Variants in REDIC1 observed in about 807,000 individuals in gnomAD.
REDIC1 encodes HEI10 Interacting Protein 1.
the REDIC1 span, among the ~76,000 whole-genome samples, chr12:39,713,942 C>T: frequency 6.8e-6 from 1 of 147,052 alleles, no homozygotes; most frequent in Non-Finnish European, 1.5e-5. Context: ...TGTGCATATA[C>T]CTATATATAC....
At chr12:39,884,541 G>A in the REDIC1 span, among the ~76,000 whole-genome samples, 1 of 152,220 alleles carries the variant, frequency 6.6e-6, no homozygotes, top group Non-Finnish European at 1.5e-5. Context: ...TCAATAAGAT[G>A]CAATTAAGAT....
the REDIC1 span, chr12:39,760,073 C>T: frequency 1.2e-6 from 2 of 1,612,710 alleles, no homozygotes; most frequent in South Asian, 2.2e-5. Context: ...TAGTTACTTC[C>T]CTTTACCCGA....
the REDIC1 span, among the ~76,000 whole-genome samples, chr12:39,785,939 A>C: frequency 6.6e-6 from 1 of 152,208 alleles, no homozygotes; most frequent in Non-Finnish European, 1.5e-5. Flanking sequence ...CATTGTATTT[A>C]GGAAGTAACT....
chr12:39,831,089 C>T, the REDIC1 span, among the ~76,000 whole-genome samples: 1 of 152,172 alleles, frequency 6.6e-6, no homozygotes, highest in Non-Finnish European at 1.5e-5. Flanking sequence ...GAGCACTTTA[C>T]AGATGGCAAG....
chr12:39,798,014 T>C, the REDIC1 span, among the ~76,000 whole-genome samples: 1,134 of 152,284 alleles, frequency 7.4e-3, 13 homozygotes, highest in African/African-American at 0.026. Flanking sequence ...AATGATGAAG[T>C]GTGACTTCAG....
At chr12:39,744,199 T>C in the REDIC1 span, among the ~76,000 whole-genome samples, 268 of 152,194 alleles carry the variant, frequency 1.8e-3, no homozygotes, top group African/African-American at 6.0e-3. Context: ...TTAAATAAAA[T>C]CCAACAATCT....
At chr12:39,696,577 A>T in the REDIC1 span, among the ~76,000 whole-genome samples, 1 of 135,602 alleles carries the variant, frequency 7.4e-6, no homozygotes, top group African/African-American at 3.2e-5. Flanking sequence ...AAAAAAAAAA[A>T]AAATAACGCA....
chr12:39,742,531 G>C, the REDIC1 span, among the ~76,000 whole-genome samples: 6 of 152,122 alleles, frequency 3.9e-5, no homozygotes, highest in African/African-American at 1.4e-4. Flanking sequence ...AAGGTGAGCT[G>C]TCTTGGAGCT....
the REDIC1 span, among the ~76,000 whole-genome samples, chr12:39,697,214 T>A: frequency 6.6e-6 from 1 of 152,172 alleles, no homozygotes; most frequent in Non-Finnish European, 1.5e-5. Flanking sequence ...GCATGACATA[T>A]TTAAAGTGCT....
the REDIC1 span, among the ~76,000 whole-genome samples, chr12:39,828,531 C>T: frequency 6.6e-6 from 1 of 152,034 alleles, no homozygotes; most frequent in African/African-American, 2.4e-5. Flanking sequence ...TGCTTTGAGG[C>T]CTCTGACCTC....
At chr12:39,902,479 T>C in the REDIC1 span, among the ~76,000 whole-genome samples, 1 of 152,074 alleles carries the variant, frequency 6.6e-6, no homozygotes, top group South Asian at 2.1e-4. Context: ...TCATACTTCT[T>C]GTAATAAATT....
At chr12:39,678,629 C>CAAAAAAAAAA in the REDIC1 span, among the ~76,000 whole-genome samples, 2 of 96,232 alleles carry the variant, frequency 2.1e-5, no homozygotes, top group Non-Finnish European at 4.2e-5. Flanking sequence ...AAAGGCATAA[C>CAAAAAAAAAA]AAAAAAAAAA....
chr12:39,661,372 C>T, the REDIC1 span, among the ~76,000 whole-genome samples: 276 of 151,846 alleles, frequency 1.8e-3, 2 homozygotes, highest in Non-Finnish European at 3.0e-3. Context: ...GATACCTTAT[C>T]GTGATTTTGA....
chr12:39,703,114 G>C, the REDIC1 span, among the ~76,000 whole-genome samples: 1 of 151,988 alleles, frequency 6.6e-6, no homozygotes, highest in Non-Finnish European at 1.5e-5. Context: ...AAATAAAGGG[G>C]ATTATATTAG....
the REDIC1 span, chr12:39,756,916 A>T: frequency 6.6e-6 from 1 of 151,584 alleles, no homozygotes; most frequent in Non-Finnish European, 1.5e-5. Flanking sequence ...TCAGGGAACT[A>T]CTGTGTATGG....
chr12:39,745,876 G>A, the REDIC1 span: 4 of 152,166 alleles, frequency 2.6e-5, no homozygotes, highest in Admixed American at 6.5e-5. Flanking sequence ...AAAAACTTCC[G>A]CTATTCCTTT....
At chr12:39,626,490 A>G in the REDIC1 span, 116 of 1,200,840 alleles carry the variant, frequency 9.7e-5, no homozygotes, top group East Asian at 2.8e-3. Context: ...TTGTTATCCA[A>G]ATCGGGTTGG....
the REDIC1 span, among the ~76,000 whole-genome samples, chr12:39,831,943 A>C: frequency 6.6e-6 from 1 of 152,164 alleles, no homozygotes; most frequent in Admixed American, 6.6e-5. Flanking sequence ...AGTCTCAGGT[A>C]TTCCTTTATA....
At chr12:39,867,125 C>A in the REDIC1 span, among the ~76,000 whole-genome samples, 5 of 152,152 alleles carry the variant, frequency 3.3e-5, no homozygotes, top group African/African-American at 1.2e-4. Context: ...CAAAACAAAA[C>A]GAACCATGAG....
Sources: gnomAD v4.1 joint callset for allele counts (sites outside exome capture counted in the v4.1 genomes callset) on GRCh38, gnomAD v4.1.1 for gene constraint, MANE v1.5 for transcripts, NCBI Gene and HGNC (gene_info 2026-07-23, HGNC 2026-07-21) for gene names.